Variants in DPP10 observed in about 807,000 individuals in gnomAD.
DPP10 encodes the protein inactive dipeptidyl peptidase 10.
A neutral mutation model predicts 120.9 loss-of-function variants in DPP10; 33 were observed. The ratio of observed to expected loss-of-function variants is 0.27; its 90% confidence interval spans 0.21 to 0.37. The LOEUF (loss-of-function observed/expected upper bound fraction) is 0.37, where lower values mean the gene tolerates loss of function less well. Among genes scored for constraint, DPP10 ranks in the 10% least tolerant of loss-of-function variants. DPP10 has a pLI of 1.00. For synonymous variants in DPP10, 337 were observed against 326.1 expected (o/e 1.03, Z -0.36); for missense variants, 816 against 942.8 (o/e 0.87, Z 1.76).
intron 16 of DPP10, among the ~76,000 whole-genome samples, chr2:115,781,227 C>A (rs1682730656): frequency 6.6e-6 from 1 of 151,618 alleles, no homozygotes; most frequent in Admixed American, 6.6e-5. Context: ...TTAATAAGTG[C>A]TATTTGAACA....
chr2:114,465,833 T>G (rs772823557), intron 1 of DPP10, among the ~76,000 whole-genome samples: 3 of 152,228 alleles, frequency 2.0e-5, no homozygotes, highest in Admixed American at 1.3e-4. Flanking sequence ...ATTTGCCATT[T>G]CTTTGAGTTG....
intron 5 of DPP10, among the ~76,000 whole-genome samples, chr2:115,573,533 C>T (rs576036637): frequency 3.7e-4 from 56 of 149,958 alleles, no homozygotes; most frequent in Admixed American, 2.3e-3. Flanking sequence ...CCGCCCACCT[C>T]GGCCTCCCAA....
At chr2:115,120,925 G>A (rs1023096519) in intron 1 of DPP10, among the ~76,000 whole-genome samples, 5 of 152,112 alleles carry the variant, frequency 3.3e-5, no homozygotes, top group Non-Finnish European at 7.4e-5. Flanking sequence ...TTTTCCTTCT[G>A]TTAAGAAGTT....
intron 5 of DPP10, among the ~76,000 whole-genome samples, chr2:115,653,575 T>C (rs375412835): frequency 6.6e-6 from 1 of 151,948 alleles, no homozygotes; most frequent in Admixed American, 6.6e-5. Flanking sequence ...TTTCCCAATA[T>C]ACAATAAATT....
chr2:115,539,028 T>G (rs2079032152), intron 5 of DPP10, among the ~76,000 whole-genome samples: 3 of 151,954 alleles, frequency 2.0e-5, no homozygotes, highest in Admixed American at 2.0e-4. Context: ...GAAAATAAGC[T>G]TACATATGCT....
chr2:115,688,235 A>T (rs1159899483), intron 5 of DPP10, among the ~76,000 whole-genome samples: 9 of 152,178 alleles, frequency 5.9e-5, no homozygotes, highest in Non-Finnish European at 1.3e-4. Context: ...CAGATTTAAT[A>T]GTTATTCCAA....
At chr2:115,679,194 T>TGG (rs58779973) in intron 5 of DPP10, among the ~76,000 whole-genome samples, 7,530 of 150,922 alleles carry the variant, frequency 0.05, 636 homozygotes, top group African/African-American at 0.17. Flanking sequence ...ACATGAGATG[T>TGG]GGGGGGGGTG....
intron 1 of DPP10, among the ~76,000 whole-genome samples, chr2:114,559,539 A>G (rs1024935379): frequency 7.2e-5 from 11 of 152,270 alleles, no homozygotes; most frequent in African/African-American, 2.4e-4. Flanking sequence ...TTTTGTGGTA[A>G]TTTGTCACAT....
chr2:115,053,022 A>C (rs1033840352), intron 1 of DPP10, among the ~76,000 whole-genome samples: 1 of 151,994 alleles, frequency 6.6e-6, no homozygotes, highest in Non-Finnish European at 1.5e-5. Context: ...CTGATCCATC[A>C]TTATTGGGAG....
At chr2:114,799,846 G>A (rs1368026109) in intron 1 of DPP10, among the ~76,000 whole-genome samples, 1 of 152,190 alleles carries the variant, frequency 6.6e-6, no homozygotes, top group African/African-American at 2.4e-5. Context: ...GTCAGCAAAT[G>A]AGCAGGTTTC....
intron 13 of DPP10, 44 bp from the exon 14 acceptor site, chr2:115,777,164 C>A: frequency 6.4e-7 from 1 of 1,552,346 alleles, no homozygotes; most frequent in Non-Finnish European, 8.9e-7. Flanking sequence ...CAGAGAGATG[C>A]TGTTTAAATG....
chr2:114,871,631 T>A (rs1041233681), intron 1 of DPP10, among the ~76,000 whole-genome samples: 5 of 152,188 alleles, frequency 3.3e-5, no homozygotes, highest in South Asian at 2.1e-4. Context: ...TTTATTTTTT[T>A]AAAATAATTT....
At chr2:115,322,648 C>A (rs1452086887) in intron 2 of DPP10, among the ~76,000 whole-genome samples, 1 of 152,148 alleles carries the variant, frequency 6.6e-6, no homozygotes, top group South Asian at 2.1e-4. Context: ...ATAATAGTTT[C>A]TATTACAAAC....
At chr2:114,788,417 AT>A (rs66808432) in intron 1 of DPP10, among the ~76,000 whole-genome samples, 133 of 145,716 alleles carry the variant, frequency 9.1e-4, no homozygotes, top group Middle Eastern at 3.5e-3. Flanking sequence ...GAACATGTAC[AT>A]TTTTTTTTTT....
intron 2 of DPP10, among the ~76,000 whole-genome samples, chr2:115,338,250 G>A (rs981432085): frequency 3.3e-5 from 5 of 151,908 alleles, no homozygotes; most frequent in African/African-American, 7.3e-5. Flanking sequence ...AGAATTCAAC[G>A]TGCTTGGTTG....
chr2:114,830,339 G>A (rs763796507), intron 1 of DPP10, among the ~76,000 whole-genome samples: 2 of 151,590 alleles, frequency 1.3e-5, no homozygotes, highest in Admixed American at 6.6e-5. Flanking sequence ...CAAAGATGAC[G>A]CATGTTTCCC....
intron 3 of DPP10, among the ~76,000 whole-genome samples, chr2:115,365,261 A>G (rs1240012313): frequency 6.6e-6 from 1 of 152,038 alleles, no homozygotes; most frequent in East Asian, 1.9e-4. Flanking sequence ...GGATTTGCTG[A>G]AATCCAGTGT....
At chr2:115,570,266 A>C (rs2081262772) in intron 5 of DPP10, among the ~76,000 whole-genome samples, 2 of 152,200 alleles carry the variant, frequency 1.3e-5, no homozygotes, top group South Asian at 4.1e-4. Context: ...GCAGAGCCCA[A>C]ATAAGCAGAA....
intron 4 of DPP10, among the ~76,000 whole-genome samples, chr2:115,524,299 C>T (rs1431501149): frequency 6.6e-6 from 1 of 152,120 alleles, no homozygotes; most frequent in Admixed American, 6.6e-5. Context: ...CTCATTACCC[C>T]TTTTCAGGCT....
Sources: gnomAD v4.1 joint callset for allele counts (sites outside exome capture counted in the v4.1 genomes callset) on GRCh38, gnomAD v4.1.1 for gene constraint, MANE v1.5 for transcripts, NCBI Gene and HGNC (gene_info 2026-07-23, HGNC 2026-07-21) for gene names.